ZNF827: variants seen among roughly 807,000 people sequenced by gnomAD.
ZNF827 encodes the protein zinc finger protein 827.
Under a neutral mutation model 102.4 loss-of-function variants are expected in ZNF827, and 13 were observed. That is an observed-to-expected ratio of 0.13 (90% confidence interval 0.08 to 0.20). The LOEUF is 0.20. Among genes scored for constraint, ZNF827 ranks in the 10% least tolerant of loss-of-function variants. The pLI, the probability that ZNF827 is intolerant of heterozygous loss-of-function variation, is 1.00. For synonymous variants in ZNF827, 523 were observed against 536.2 expected, an observed-to-expected ratio of 0.98 and a Z score of 0.34; for missense variants, 1,103 against 1,344.4, an observed-to-expected ratio of 0.82 and a Z score of 2.81.
intron 1 of ZNF827, among the ~76,000 whole-genome samples, chr4:145,918,815 C>A (rs1752868534): frequency 6.6e-6 from 1 of 152,262 alleles, no homozygotes. Context: ...AGGGTTCCAC[C>A]TATTTTGTTT....
At chr4:145,862,367 T>C (rs1165550515) in intron 5 of ZNF827, among the ~76,000 whole-genome samples, 15 of 152,214 alleles carry the variant, frequency 9.9e-5, no homozygotes, top group Admixed American at 8.5e-4. Context: ...TCTCTGGGTA[T>C]AGTAATATGT....
chr4:145,860,237 C>CCTTGGTTCTGTTG (rs1297147593), intron 5 of ZNF827, among the ~76,000 whole-genome samples: 3 of 152,252 alleles, frequency 2.0e-5, no homozygotes, highest in Non-Finnish European at 4.4e-5. Context: ...TCTCAGTAAT[C>CCTTGGTTCTGTTG]CTTGGTTCTG....
intron 5 of ZNF827, among the ~76,000 whole-genome samples, chr4:145,866,541 C>T (rs1336177324): frequency 6.6e-6 from 1 of 152,154 alleles, no homozygotes; most frequent in Non-Finnish European, 1.5e-5. Context: ...TGGGTGAGCA[C>T]AGAAATTTTT....
intron 11 of ZNF827, 97 bp downstream of exon 11, chr4:145,774,409 T>C: frequency 7.4e-7 from 1 of 1,344,326 alleles, no homozygotes; most frequent in Non-Finnish European, 1.0e-6. Flanking sequence ...AAAAGGGCAA[T>C]GTCTCAGGGC....
At chr4:145,904,179 G>A (rs537670397) in intron 1 of ZNF827, among the ~76,000 whole-genome samples, 1 of 152,230 alleles carries the variant, frequency 6.6e-6, no homozygotes, top group South Asian at 2.1e-4. Context: ...CATCTCAAAT[G>A]TCTTTCCCCA....
intron 1 of ZNF827, among the ~76,000 whole-genome samples, chr4:145,930,784 G>GT (rs1313310295): frequency 6.6e-6 from 1 of 152,120 alleles, no homozygotes; most frequent in Non-Finnish European, 1.5e-5. Context: ...TCGTGGGCGC[G>GT]TATCACTGTG....
intron 1 of ZNF827, among the ~76,000 whole-genome samples, chr4:145,932,528 G>A (rs906575171): frequency 2.0e-5 from 3 of 149,674 alleles, no homozygotes; most frequent in Non-Finnish European, 2.9e-5. Context: ...AGGCTGGAGT[G>A]TAGTGGCACA....
chr4:145,779,429 A>G lies in ZNF827; in HGVS notation c.2466T>C (p.Cys822=). The part of the protein sequence containing the change: ...FNDQLFPCDV[C]GKVFGRQQTL... The stretch of plus-strand genomic sequence containing the variant: ...TCTGCTGTCGGCCAAACACTTTCCC[A>G]CACACGTCACAGGGAAAAAGCTGGT... The change falls in exon 9 of 15, where the codon TGT becomes TGC. Residue 822 remains cysteine, a synonymous_variant. Coordinates refer to ENST00000508784, the MANE Select transcript of ZNF827 (RefSeq NM_001306215.2). The G allele has an allele frequency of 6.2e-7, 1 of 1,614,114 alleles. No individual in the cohort carries two copies. The highest frequency in any genetic ancestry group is 8.5e-7 in the Non-Finnish European group (1 of 1,179,964).
At chr4:145,914,756 C>A (rs1371743836) in intron 1 of ZNF827, among the ~76,000 whole-genome samples, 1 of 152,226 alleles carries the variant, frequency 6.6e-6, no homozygotes, top group Non-Finnish European at 1.5e-5. Context: ...CCATTTAATT[C>A]TCTTTGAAGA....
At chr4:145,768,904 T>TAC (rs1735792251) in intron 11 of ZNF827, among the ~76,000 whole-genome samples, 1 of 28,874 alleles carries the variant, frequency 3.5e-5, no homozygotes, top group Non-Finnish European at 7.7e-5. Context: ...TATATATATA[T>TAC]ATATATATAT....
intron 1 of ZNF827, among the ~76,000 whole-genome samples, chr4:145,930,202 C>A (rs1452324451): frequency 6.6e-6 from 1 of 152,226 alleles, no homozygotes; most frequent in East Asian, 1.9e-4. Context: ...TTAGAAACAT[C>A]TATCACCCTC....
chr4:145,881,118 T>A (rs996543047), intron 4 of ZNF827, among the ~76,000 whole-genome samples: 2 of 152,226 alleles, frequency 1.3e-5, no homozygotes, highest in Non-Finnish European at 2.9e-5. Context: ...ATGGAAGTTG[T>A]AGAACAAAGG....
intron 5 of ZNF827, among the ~76,000 whole-genome samples, chr4:145,852,813 G>A (rs1746672078): frequency 6.6e-6 from 1 of 152,096 alleles, no homozygotes; most frequent in Non-Finnish European, 1.5e-5. Flanking sequence ...GGAGTGCAGT[G>A]GCTATTCACA....
intron 6 of ZNF827, 147 bp downstream of exon 6, chr4:145,849,175 G>T: frequency 1.1e-6 from 1 of 910,610 alleles, no homozygotes; most frequent in Non-Finnish European, 1.6e-6. Context: ...TGTTAGTTTG[G>T]GTGGCAGTAT....
At chr4:145,843,826 C>T (rs1166574733) in intron 7 of ZNF827, among the ~76,000 whole-genome samples, 1 of 152,124 alleles carries the variant, frequency 6.6e-6, no homozygotes, top group African/African-American at 2.4e-5. Flanking sequence ...AGCTAGTGAA[C>T]CTTCCTGGGG....
intron 8 of ZNF827, among the ~76,000 whole-genome samples, chr4:145,805,075 T>C (rs993975657): frequency 6.6e-6 from 1 of 151,960 alleles, no homozygotes; most frequent in African/African-American, 2.4e-5. Flanking sequence ...ATTGGAGAAT[T>C]CATAGTTCCC....
chr4:145,899,310 G>A (rs1000623928), intron 2 of ZNF827, among the ~76,000 whole-genome samples: 3 of 152,052 alleles, frequency 2.0e-5, no homozygotes, highest in African/African-American at 7.3e-5. Context: ...AGGTGGGGGA[G>A]GGAGGGGGAG....
chr4:145,816,422 A>G (rs900797870), intron 8 of ZNF827, among the ~76,000 whole-genome samples: 1 of 152,218 alleles, frequency 6.6e-6, no homozygotes, highest in African/African-American at 2.4e-5. Flanking sequence ...ACCACCCTTA[A>G]AAAAGTATGC....
At position 145,885,802 on chromosome 4, in the gene ZNF827, G is replaced by A. The variant is rs142344936; in HGVS notation, c.1623C>T (p.Ala541=). 3.5e-5 allele frequency: 57 copies of A among 1,613,322 alleles called. No homozygotes were observed. In the African/African-American group the frequency reaches 4.4e-4, roughly 12 times the overall value. The change falls in exon 4 of 15, where the codon GCC becomes GCT. Residue 541 remains alanine, a synonymous_variant. Coordinates refer to ENST00000508784, the MANE Select transcript of ZNF827 (RefSeq NM_001306215.2). ...GLPTSFTLNA[A]DRPANHTKLK... Reference sequence around the variant, plus strand: ...GCTTTGTGTGGTTGGCGGGCCTGTCGGCAGCATTCAAAGTAAAGGAGGTGG... The same window carrying A: ...GCTTTGTGTGGTTGGCGGGCCTGTCAGCAGCATTCAAAGTAAAGGAGGTGG...
Sources: allele counts gnomAD v4.1 joint callset (sites outside exome capture counted in the v4.1 genomes callset), GRCh38; gene constraint gnomAD v4.1.1; transcripts MANE v1.5; gene names NCBI Gene and HGNC (gene_info 2026-07-23, HGNC 2026-07-21).